RBPJL: variants seen among roughly 807,000 people sequenced by gnomAD.
The protein encoded by RBPJL is recombining binding protein suppressor of hairless-like protein.
A neutral mutation model predicts 57.6 loss-of-function variants in RBPJL; 50 were observed. The observed-to-expected ratio is 0.87, with a 90% CI of 0.69 to 1.10. RBPJL has a LOEUF of 1.10. Ranked by LOEUF, RBPJL falls within the 50% of genes least tolerant of loss-of-function variation. The pLI is 0.00. For synonymous variants in RBPJL, 303 were observed against 294.4 expected, an observed-to-expected ratio of 1.03 and a Z score of -0.30; for missense variants, 684 against 693.7, an observed-to-expected ratio of 0.99 and a Z score of 0.16.
chr20:45,308,104 A>G (rs777647354), intron 1 of RBPJL, 39 bp from the exon 2 acceptor site: 1 of 1,463,722 alleles, frequency 6.8e-7, no homozygotes, highest in South Asian at 1.1e-5. Context: ...CTGCTAAAAT[A>G]CACTCGCCTG....
chr20:45,313,358 C>A, intron 6 of RBPJL, 110 bp from the exon 7 acceptor site: 1 of 822,244 alleles, frequency 1.2e-6, no homozygotes, highest in Non-Finnish European at 1.8e-6. Context: ...AACCCTCACC[C>A]TCACCCTAAC....
rs115930454 is a variant in RBPJL, at chr20:45,309,846, T to C, written c.257+154T>C. On this transcript the variant is annotated intron_variant, in intron 3 of 11. Transcript: ENST00000343694. ...CAGGGCCTTGACCCTCAGCCACCAT[T>C]AGCCCCCACTTTGGTCTATAGTTCT... is the stretch of plus-strand genomic sequence containing the variant. 3.0e-3 allele frequency among the ~76,000 whole-genome samples: 462 copies of C among 152,294 alleles called. 5 individuals are homozygous for C. Among genetic ancestry groups the C allele is most frequent in the Middle Eastern group, 0.01 (3 of 294 alleles).
Position 45,308,183 on chromosome 20 carries a change from G to A in RBPJL, c.63G>A (p.Leu21=). The A allele has an allele frequency of 5.6e-6, 9 of 1,614,094 alleles. No homozygotes were observed. The highest frequency in any genetic ancestry group is 6.8e-6 in the Non-Finnish European group (8 of 1,179,946). Residue 21 remains leucine (L), a synonymous_variant, in exon 2 of 12, where the codon CTG becomes CTA. Coordinates refer to ENST00000343694, the MANE Select transcript of RBPJL (RefSeq NM_014276.4). ...VPPNPLTHLS[L]QDRSEMQLQS... ...CCAATCCTTTGACTCACCTGAGCCT[G>A]CAGGACAGATCAGAGATGCAGCTGC...
intron 7 of RBPJL, 124 bp downstream of exon 7, chr20:45,313,729 G>T (rs2235227): frequency 0.46 from 476,221 of 1,042,134 alleles, 113,096 homozygotes; most frequent in African/African-American, 0.57. Flanking sequence ...AACACAAAAA[G>T]ACTTGACTAC....
intron 8 of RBPJL, 124 bp downstream of exon 8, chr20:45,314,268 G>A (rs370889938): frequency 1.7e-4 from 210 of 1,230,890 alleles, no homozygotes; most frequent in Non-Finnish European, 2.2e-4. Context: ...ACCCAGTGTC[G>A]CGTAGGACCA....
chr20:45,313,372 CACCCTAACCCTA>C, intron 6 of RBPJL, 84 bp from the exon 7 acceptor site: 4 of 991,552 alleles, frequency 4.0e-6, no homozygotes, highest in Non-Finnish European at 5.8e-6. Flanking sequence ...CCCTAACCCT[CACCCTAACCCTA>C]ACCCCAATCC....
intron 9 of RBPJL, chr20:45,315,864 A>G: frequency 3.6e-6 from 1 of 278,488 alleles, no homozygotes; most frequent in Non-Finnish European, 6.6e-6. Context: ...GGAAAGAAAG[A>G]AAAGGAAGGA....
Position 45,316,577 on chromosome 20 carries a change from A to G in RBPJL, c.1277A>G (p.Tyr426Cys). Residue 426 changes from tyrosine (Y) to cysteine (C), a missense_variant, in exon 11 of 12, where the codon TAC becomes TGC. Physicochemically the swap from Tyr to Cys is radical, Grantham distance 194 (BLOSUM62 -2). Coordinates refer to ENST00000343694, the MANE Select transcript of RBPJL (RefSeq NM_014276.4). ...WFGDVEAETM[Y>C]RSPRSLVCVV... ...GGGGACGTGGAGGCAGAAACCATGT[A>G]CAGGTACGGGGTGGTGAGGCAGCCT... 1 of 1,532,370 alleles carries G rather than the reference A, an allele frequency of 6.5e-7. No individual in the cohort carries two copies. The highest frequency in any genetic ancestry group is 1.2e-5 in the South Asian group (1 of 81,722). The allele number at this position is 1,532,370 out of a possible 1,614,324, so 94.9% of individuals were successfully genotyped here. A position where few individuals can be genotyped will look rare whatever the true frequency, so the allele number is the denominator to read the frequency against.
At chr20:45,316,399 G>A in intron 10 of RBPJL, 57 bp downstream of exon 10, 1 of 1,600,190 alleles carries the variant, frequency 6.2e-7, no homozygotes, top group African/African-American at 1.3e-5. Context: ...CTGGGCAGTG[G>A]TGGTGCTAGT....
rs767612933 is a variant in RBPJL, at chr20:45,317,219, ACT to A, written c.*263_*264del. The A allele has an allele frequency of 2.9e-4, 156 of 530,074 alleles. No homozygotes were observed. The highest frequency in any genetic ancestry group is 4.5e-4 in the Non-Finnish European group (136 of 301,928). 32.8% of individuals were successfully genotyped at this position (530,074 alleles called of 1,614,324 possible). A position where few individuals can be genotyped will look rare whatever the true frequency, so the allele number is the denominator to read the frequency against. Reference sequence around the variant, plus strand: ...GCTCTCCCTGTCTTCATTTCTTCTCACTCTGTCTCTAAACCTCTCTCTCTCTC... The same window carrying A: ...GCTCTCCCTGTCTTCATTTCTTCTCACTGTCTCTAAACCTCTCTCTCTCTC... On this transcript the variant is annotated 3_prime_UTR_variant, in exon 12 of 12. Coordinates refer to ENST00000343694, the MANE Select transcript of RBPJL (RefSeq NM_014276.4).
Position 45,316,517 on chromosome 20 carries a change from G to A in RBPJL, c.1217G>A (p.Gly406Glu). 1 of 1,543,486 alleles carries A rather than the reference G, an allele frequency of 6.5e-7. No homozygotes were observed. Among genetic ancestry groups the A allele is most frequent in the Non-Finnish European group, 8.7e-7 (1 of 1,144,772 alleles). The change falls in exon 11 of 12, where the codon GGA becomes GAA. Residue 406 changes from glycine (G) to glutamate (E), a missense_variant. Gly to Glu is a moderately conservative substitution (Grantham distance 98). Coordinates refer to ENST00000343694, the MANE Select transcript of RBPJL (RefSeq NM_014276.4). ...GGDVATLELH[G>E]ENFHAGLKVW... Reference sequence around the variant, plus strand: ...GACGTGGCCACGCTGGAGCTCCACGGAGAGAACTTCCACGCGGGGCTCAAG... The same window carrying A: ...GACGTGGCCACGCTGGAGCTCCACGAAGAGAACTTCCACGCGGGGCTCAAG...
chr20:45,316,794 C>A lies in RBPJL; in HGVS notation c.1389C>A (p.Asp463Glu), dbSNP rs1428571428. Residue 463 changes from aspartate to glutamate, a missense_variant, in exon 12 of 12, where the codon GAC becomes GAA. By Grantham distance (45) the Asp-to-Glu change is conservative (BLOSUM62 2). Transcript: ENST00000343694. ...TCCCCATGAGCCTGGTGCGCGCCGA[C>A]GGGCTCTTCTACCCTAGTGCCTTCT... The part of the protein sequence containing the change: ...ITIPMSLVRA[D>E]GLFYPSAFSF... 3 of 1,613,916 alleles carry A rather than the reference C, an allele frequency of 1.9e-6. No individual in the cohort carries two copies. Among genetic ancestry groups the A allele is most frequent in the East Asian group, 2.2e-5 (1 of 44,852 alleles).
intron 3 of RBPJL, among the ~76,000 whole-genome samples, chr20:45,311,352 A>T (rs1469951568): frequency 6.6e-6 from 1 of 152,094 alleles, no homozygotes; most frequent in Non-Finnish European, 1.5e-5. Context: ...AAGCCAGTGG[A>T]TTCTGGATAT....
At chr20:45,313,964 A>G in intron 7 of RBPJL, 71 bp from the exon 8 acceptor site, 2 of 1,109,550 alleles carry the variant, frequency 1.8e-6, no homozygotes, top group South Asian at 2.6e-5. Context: ...GCCAGAGGCA[A>G]CAAGGCAGGG....
intron 9 of RBPJL, chr20:45,315,956 G>GA: frequency 1.0e-5 from 4 of 398,138 alleles, no homozygotes; most frequent in Non-Finnish European, 1.8e-5. Flanking sequence ...GGAAAATAAA[G>GA]AAAAAAGAAA....
In RBPJL at chr20:45,313,496, C is replaced by T. The variant is rs1330790182; in HGVS notation, c.648C>T (p.Ser216=). 22 of 1,613,634 alleles carry T rather than the reference C, an allele frequency of 1.4e-5. No individual in the cohort carries two copies. In the Admixed American group the frequency reaches 3.7e-4, roughly 27 times the overall value. Residue 216 remains serine, a synonymous_variant, in exon 7 of 12, where the codon TCC becomes TCT. Transcript: ENST00000343694. ...GCATATCCTCCGGCTCAAAGGTCTCCCTCTTCAACCGCCTGCGCTCTCAGA... is the reference window on the plus strand; with the variant it reads ...GCATATCCTCCGGCTCAAAGGTCTCTCTCTTCAACCGCCTGCGCTCTCAGA... ...DLCISSGSKV[S]LFNRLRSQTV... is the part of the protein sequence containing the mutation.
chr20:45,315,960 A>G (rs1309192350), intron 9 of RBPJL: 8 of 400,332 alleles, frequency 2.0e-5, no homozygotes, highest in African/African-American at 4.1e-5. Context: ...AATAAAGAAA[A>G]AAGAAAGAAG....
Position 45,316,913 on chromosome 20 carries a change from A to G in RBPJL, c.1508A>G (p.His503Arg). 5 of 1,613,422 alleles carry G rather than the reference A, an allele frequency of 3.1e-6. No homozygotes were observed. Among genetic ancestry groups the G allele is most frequent in the Non-Finnish European group, 4.2e-6 (5 of 1,179,628 alleles). Residue 503 changes from histidine to arginine, a missense_variant, in exon 12 of 12, where the codon CAT becomes CGT. By Grantham distance (29) the His-to-Arg change is conservative. Transcript: ENST00000343694. ...GCCGACGCGCTCCTGGAGAGCATCC[A>G]TCAGGAGTTCACGCGCACCAACTTC... ...TDADALLESI[H>R]QEFTRTNFHL... is the part of the protein sequence containing the mutation.
In RBPJL at chr20:45,312,415, A is replaced by C; in HGVS notation, c.619+20A>C. ...CCGATCGTGAGCAGGGCGGGGCCTG[A>C]CCCCCGGCCCGGGCGGGGAGGTGCA... On this transcript the variant is annotated intron_variant, in intron 6 of 11. Transcript: ENST00000343694. 2 of 1,602,640 alleles carry C rather than the reference A, an allele frequency of 1.2e-6. No individual in the cohort carries two copies. Among genetic ancestry groups the C allele is most frequent in the Non-Finnish European group, 1.7e-6 (2 of 1,174,542 alleles).
Sources: gnomAD v4.1 joint callset for allele counts (sites outside exome capture counted in the v4.1 genomes callset) on GRCh38, gnomAD v4.1.1 for gene constraint, MANE v1.5 for transcripts, NCBI Gene and HGNC (gene_info 2026-07-23, HGNC 2026-07-21) for gene names.